The following BAZ1B variants were observed in gnomAD, a reference collection of about 807,000 sequenced individuals.
The protein encoded by BAZ1B is bromodomain adjacent to zinc finger domain 1B.
In BAZ1B, 22 loss-of-function variants were observed where a neutral mutation model predicts 153.8. That is an observed-to-expected ratio of 0.14 (90% CI 0.10 to 0.20). The LOEUF is 0.20. BAZ1B is among the 10% of genes least tolerant of loss of function. BAZ1B has a pLI of 1.00. For missense variants in BAZ1B, 1,325 were observed against 1,799.3 expected (o/e 0.74, Z 4.77); for synonymous variants, 676 against 633.4 (o/e 1.07, Z -1.01).
At chr7:73,501,684 C>A (rs1000048577) in intron 3 of BAZ1B, among the ~76,000 whole-genome samples, 28 of 152,088 alleles carry the variant, frequency 1.8e-4, no homozygotes, top group Non-Finnish European at 2.6e-4. Context: ...AAGGCCTTCA[C>A]ACACCCTGTT....
chr7:73,452,013 G>A (rs573596017), intron 13 of BAZ1B, among the ~76,000 whole-genome samples: 2 of 152,272 alleles, frequency 1.3e-5, no homozygotes, highest in African/African-American at 4.8e-5. Flanking sequence ...CACACAGTAT[G>A]GAAGAAAACA....
chr7:73,470,337 G>A lies in BAZ1B; in HGVS notation c.2732+8C>T. The A allele has an allele frequency of 6.2e-7, 1 of 1,602,366 alleles. No homozygotes were observed. Among genetic ancestry groups the A allele is most frequent in the Non-Finnish European group, 8.5e-7 (1 of 1,174,642 alleles). ...TAAAGAAAACAAAAATTTGGTTTAGGAACTGACCTATTATGGTTTCGATCT... is the reference window on the plus strand; with the variant it reads ...TAAAGAAAACAAAAATTTGGTTTAGAAACTGACCTATTATGGTTTCGATCT... On this transcript the variant is annotated splice_region_variant and intron_variant, in intron 8 of 19. Transcript: ENST00000339594.
intron 6 of BAZ1B, among the ~76,000 whole-genome samples, chr7:73,482,238 G>GTT (rs1789230985): frequency 1.3e-5 from 2 of 152,144 alleles, no homozygotes; most frequent in Non-Finnish European, 2.9e-5. Flanking sequence ...ATGCTAGGAA[G>GTT]AATAAGCCAA....
chr7:73,452,185 T>C (rs1554568375), intron 13 of BAZ1B, among the ~76,000 whole-genome samples: 1 of 152,222 alleles, frequency 6.6e-6, no homozygotes, highest in Non-Finnish European at 1.5e-5. Flanking sequence ...AATAGTATCA[T>C]ACAATAATAG....
At chr7:73,490,511 T>C (rs1554575320) in intron 5 of BAZ1B, among the ~76,000 whole-genome samples, 1 of 152,232 alleles carries the variant, frequency 6.6e-6, no homozygotes, top group Non-Finnish European at 1.5e-5. Flanking sequence ...TTGCATTTTC[T>C]TTCTTCCTGT....
chr7:73,508,639 C>A (rs1378901430), intron 2 of BAZ1B, among the ~76,000 whole-genome samples, 168 bp from the exon 3 acceptor site: 2 of 152,184 alleles, frequency 1.3e-5, no homozygotes, highest in African/African-American at 4.8e-5. Flanking sequence ...CTAGCCTCCA[C>A]CTCCTGGGCT....
chr7:73,452,572 A>G (rs537408421), intron 13 of BAZ1B, among the ~76,000 whole-genome samples: 1 of 152,148 alleles, frequency 6.6e-6, no homozygotes, highest in Non-Finnish European at 1.5e-5. Flanking sequence ...AAATACAAAA[A>G]TTAGGCGGGT....
intron 11 of BAZ1B, among the ~76,000 whole-genome samples, chr7:73,464,432 A>G (rs548175976): frequency 3.9e-5 from 6 of 152,342 alleles, no homozygotes; most frequent in Admixed American, 3.9e-4. Context: ...ATGTAATTCC[A>G]AAACATTTTC....
intron 6 of BAZ1B, among the ~76,000 whole-genome samples, chr7:73,483,636 C>G (rs1789283757): frequency 6.7e-6 from 1 of 150,366 alleles, no homozygotes; most frequent in Admixed American, 6.7e-5. Context: ...AACTCACAAA[C>G]TTTTTTTTTT....
At chr7:73,447,125 T>G (rs1787866374) in intron 16 of BAZ1B, 139 bp downstream of exon 16, 2 of 1,494,896 alleles carry the variant, frequency 1.3e-6, no homozygotes, top group African/African-American at 2.8e-5. Context: ...CCATGGCAGC[T>G]AAGTTACGCC....
intron 3 of BAZ1B, among the ~76,000 whole-genome samples, chr7:73,503,333 C>G (rs1790210839): frequency 6.6e-6 from 1 of 152,082 alleles, no homozygotes; most frequent in Non-Finnish European, 1.5e-5. Flanking sequence ...AACATATTTT[C>G]ATGTTTATGG....
intron 3 of BAZ1B, among the ~76,000 whole-genome samples, chr7:73,503,382 TTTTTTG>T (rs1790213403): frequency 6.6e-6 from 1 of 152,000 alleles, no homozygotes; most frequent in Admixed American, 6.6e-5. Flanking sequence ...CTTTCCTCTT[TTTTTTG>T]TTTTTGAGAC....
chr7:73,492,141 C>G (rs557683535), intron 5 of BAZ1B, among the ~76,000 whole-genome samples: 1 of 151,724 alleles, frequency 6.6e-6, no homozygotes, highest in East Asian at 1.9e-4. Flanking sequence ...TATAGGCGTG[C>G]GCCACCACAC....
intron 5 of BAZ1B, among the ~76,000 whole-genome samples, chr7:73,490,980 C>G (rs1554575394): frequency 6.6e-6 from 1 of 151,412 alleles, no homozygotes. Context: ...TTAACAATAT[C>G]CAATATTCAA....
At chr7:73,475,612 G>A (rs1788966558) in intron 7 of BAZ1B, among the ~76,000 whole-genome samples, 1 of 152,202 alleles carries the variant, frequency 6.6e-6, no homozygotes, top group South Asian at 2.1e-4. Flanking sequence ...TTTTAAAAAT[G>A]TTTTGGGGCC....
intron 9 of BAZ1B, among the ~76,000 whole-genome samples, chr7:73,468,751 T>C (rs1425111727): frequency 2.0e-5 from 3 of 152,214 alleles, no homozygotes; most frequent in Non-Finnish European, 4.4e-5. Context: ...TTATCTGTCT[T>C]GTTTGCTGCT....
chr7:73,514,937 G>A (rs1211093853), intron 1 of BAZ1B, among the ~76,000 whole-genome samples: 1 of 152,032 alleles, frequency 6.6e-6, no homozygotes, highest in Non-Finnish European at 1.5e-5. Flanking sequence ...GCCACGCATG[G>A]TGGCGGGCGC....
Position 73,465,522 on chromosome 7 carries a change from A to T in BAZ1B, c.2988T>A (p.Ser996Arg). Residue 996 changes from serine (S) to arginine (R), a missense_variant, in exon 11 of 20, where the codon AGT (serine) becomes AGA (arginine). Ser to Arg is a moderately radical substitution (Grantham distance 110). Coordinates refer to ENST00000339594, the MANE Select transcript of BAZ1B (RefSeq NM_032408.4). ...QGQNLWFLCD[S>R]QKELDELLNC... ...TTAGCAACTCATCCAGCTCCTTTTG[A>T]CTATCACATAAAAACCTGTAGGGGC... 1 of 1,608,326 alleles carries T rather than the reference A, an allele frequency of 6.2e-7. No homozygotes were observed. Among genetic ancestry groups the T allele is most frequent in the Non-Finnish European group, 8.5e-7 (1 of 1,177,580 alleles).
chr7:73,505,067 C>T (rs915339341), intron 3 of BAZ1B, among the ~76,000 whole-genome samples: 5 of 152,182 alleles, frequency 3.3e-5, no homozygotes, highest in African/African-American at 1.2e-4. Flanking sequence ...TCTTGCCAGC[C>T]TGTCTCTTTT....
Sources: allele counts gnomAD v4.1 joint callset (sites outside exome capture counted in the v4.1 genomes callset), GRCh38; gene constraint gnomAD v4.1.1; transcripts MANE v1.5; gene names NCBI Gene and HGNC (gene_info 2026-07-23, HGNC 2026-07-21).